CNTNAP5: variants seen among roughly 807,000 people sequenced by gnomAD.
CNTNAP5 encodes contactin associated protein family member 5.
In CNTNAP5, 72 loss-of-function variants were observed where a neutral mutation model predicts 150.2. The observed-to-expected ratio is 0.48, with a 90% CI of 0.40 to 0.58. The LOEUF (loss-of-function observed/expected upper bound fraction) is 0.58. CNTNAP5 is among the 20% of genes least tolerant of loss of function. CNTNAP5 has a pLI of 0.00. For missense variants in CNTNAP5, 1,636 were observed against 1,626.2 expected (o/e 1.01, Z -0.10); for synonymous variants, 672 against 619.8 (o/e 1.08, Z -1.25).
chr2:124,669,203 A>G, intron 13 of CNTNAP5, among the ~76,000 whole-genome samples: 1 of 152,300 alleles, frequency 6.6e-6, no homozygotes, highest in East Asian at 1.9e-4. Context: ...CAGGGACAGG[A>G]CCTGCATTTG....
At chr2:124,857,939 A>T (rs185956772) in intron 19 of CNTNAP5, among the ~76,000 whole-genome samples, 107 of 152,318 alleles carry the variant, frequency 7.0e-4, no homozygotes, top group Non-Finnish European at 1.3e-3. Flanking sequence ...ACTTAATAAA[A>T]ATAAGTACTA....
chr2:124,688,815 C>T (rs1679244857), intron 13 of CNTNAP5, among the ~76,000 whole-genome samples: 1 of 152,016 alleles, frequency 6.6e-6, no homozygotes, highest in African/African-American at 2.4e-5. Context: ...CAGGGTGAGA[C>T]TATGGGTGCC....
intron 1 of CNTNAP5, among the ~76,000 whole-genome samples, chr2:124,071,107 G>T (rs1682292661): frequency 6.6e-6 from 1 of 151,820 alleles, no homozygotes; most frequent in Admixed American, 6.6e-5. Flanking sequence ...GGTCAATGAA[G>T]AAAATAAGAA....
rs1208474395 is a variant in CNTNAP5, at chr2:124,050,425, G to T, written c.82+24693G>T. On this transcript the variant is annotated intron_variant, in intron 1 of 23. Transcript: ENST00000682447. Reference sequence around the variant, plus strand: ...GTTGCAGTGAGCCAAGATCTCAACAGTGCACTACAGCCTGGGAGACAGAGC... The same window carrying T: ...GTTGCAGTGAGCCAAGATCTCAACATTGCACTACAGCCTGGGAGACAGAGC... Among the ~76,000 whole-genome samples the T allele has an allele frequency of 2.0e-5, 3 of 152,078 alleles. No homozygotes were observed. The East Asian group carries it at 5.8e-4, about 30-fold the overall frequency.
At position 124,814,468 on chromosome 2, in the gene CNTNAP5, T is replaced by C. The variant is rs567306589; in HGVS notation, c.3217+16148T>C. Among the ~76,000 whole-genome samples, 968 of 152,292 alleles carry C rather than the reference T, an allele frequency of 6.4e-3. 6 individuals are homozygous for C. Among genetic ancestry groups the C allele is most frequent in the Non-Finnish European group, 0.01 (700 of 68,024 alleles). On this transcript the variant is annotated intron_variant, in intron 19 of 23. Coordinates refer to ENST00000682447, the MANE Select transcript of CNTNAP5 (RefSeq NM_001367498.1). ...TCTGAATTCCAGGACTCAGCACTCC[T>C]GGCCTAGCACAATGTGGGGGCCCAG...
In CNTNAP5 at chr2:124,401,342, C is replaced by A. The variant is rs192519963; in HGVS notation, c.382-16101C>A. On this transcript the variant is annotated intron_variant, in intron 3 of 23. Coordinates refer to ENST00000682447, the MANE Select transcript of CNTNAP5 (RefSeq NM_001367498.1). ...CAATTTCTCTTCTGAATCATACAAA[C>A]CAGTGGGCAACAAAGGCATGTTTCT... is the stretch of plus-strand genomic sequence containing the variant. Among the ~76,000 whole-genome samples the A allele has an allele frequency of 2.6e-3, 395 of 152,296 alleles. 6 individuals carry two copies. The highest frequency in any genetic ancestry group is 0.02 in the Middle Eastern group (6 of 294).
intron 13 of CNTNAP5, among the ~76,000 whole-genome samples, chr2:124,687,103 G>A (rs140265051): frequency 7.0e-4 from 106 of 152,184 alleles, no homozygotes; most frequent in Admixed American, 2.2e-3. Flanking sequence ...TAGGTTTGGC[G>A]TGTGATTAGT....
chr2:124,593,339 T>G (rs1696745912), intron 11 of CNTNAP5, among the ~76,000 whole-genome samples: 1 of 119,980 alleles, frequency 8.3e-6, no homozygotes, highest in African/African-American at 3.1e-5. Context: ...CCTGTGTCCA[T>G]GTGATCTCAT....
intron 2 of CNTNAP5, among the ~76,000 whole-genome samples, chr2:124,235,312 G>A (rs147257362): frequency 1.8e-3 from 274 of 152,224 alleles, no homozygotes; most frequent in African/African-American, 6.3e-3. Context: ...TTGTCATCTA[G>A]CACTCACAGC....
At chr2:124,425,598 T>C (rs886799319) in intron 4 of CNTNAP5, among the ~76,000 whole-genome samples, 3 of 152,134 alleles carry the variant, frequency 2.0e-5, no homozygotes, top group African/African-American at 7.2e-5. Flanking sequence ...ATGCACCTCT[T>C]ACTTAGGTGA....
intron 19 of CNTNAP5, among the ~76,000 whole-genome samples, chr2:124,823,194 T>A (rs1200755261): frequency 1.3e-5 from 2 of 152,190 alleles, no homozygotes; most frequent in Non-Finnish European, 2.9e-5. Flanking sequence ...TAAGTGCAGA[T>A]ATGAAGTAGG....
At chr2:124,241,413 A>G (rs1017296606) in intron 2 of CNTNAP5, among the ~76,000 whole-genome samples, 1 of 151,902 alleles carries the variant, frequency 6.6e-6, no homozygotes, top group African/African-American at 2.4e-5. Flanking sequence ...GCTAATCTCC[A>G]TCGAACTTTC....
intron 19 of CNTNAP5, 137 bp from the exon 20 acceptor site, chr2:124,865,169 T>A: frequency 1.5e-6 from 1 of 662,556 alleles, no homozygotes; most frequent in Admixed American, 3.0e-5. Context: ...TAAATATACG[T>A]GATATATTTT....
At chr2:124,409,812 G>A (rs1691695681) in intron 3 of CNTNAP5, among the ~76,000 whole-genome samples, 1 of 152,042 alleles carries the variant, frequency 6.6e-6, no homozygotes, top group Non-Finnish European at 1.5e-5. Flanking sequence ...GGCAGAAACT[G>A]CATCAACTAA....
intron 13 of CNTNAP5, among the ~76,000 whole-genome samples, chr2:124,713,981 T>C (rs1247572828): frequency 3.3e-5 from 5 of 152,166 alleles, no homozygotes; most frequent in Admixed American, 1.3e-4. Context: ...CCATACTCTC[T>C]TGACTTTGCA....
At chr2:124,694,697 T>C (rs543731815) in intron 13 of CNTNAP5, among the ~76,000 whole-genome samples, 1 of 152,276 alleles carries the variant, frequency 6.6e-6, no homozygotes, top group Non-Finnish European at 1.5e-5. Context: ...AATTTACAAA[T>C]AATAGTAAAA....
chr2:124,707,396 C>T (rs1475987147), intron 13 of CNTNAP5, among the ~76,000 whole-genome samples: 2 of 151,994 alleles, frequency 1.3e-5, no homozygotes, highest in African/African-American at 4.8e-5. Flanking sequence ...TGGCATTTTC[C>T]CAAGTAAGTG....
chr2:124,108,131 C>T (rs1683208579), intron 1 of CNTNAP5, among the ~76,000 whole-genome samples: 1 of 152,194 alleles, frequency 6.6e-6, no homozygotes, highest in Non-Finnish European at 1.5e-5. Flanking sequence ...TGAAGATTAG[C>T]TGCTGGTTTA....
At position 124,201,216 on chromosome 2, in the gene CNTNAP5, C is replaced by G. The variant is rs541075046; in HGVS notation, c.83-20489C>G. On this transcript the variant is annotated intron_variant, in intron 1 of 23. Coordinates refer to ENST00000682447, the MANE Select transcript of CNTNAP5 (RefSeq NM_001367498.1). ...AATAGGAACTGAGAAGGACTTCTCTCTCAGCCTGGACCACTCTCAGGTACA... is the reference window on the plus strand; with the variant it reads ...AATAGGAACTGAGAAGGACTTCTCTGTCAGCCTGGACCACTCTCAGGTACA... Among the ~76,000 whole-genome samples, 7 of 152,300 alleles carry G rather than the reference C, an allele frequency of 4.6e-5. No homozygotes were observed. The South Asian group carries it at 1.5e-3, about 32-fold the overall frequency.
Sources: gnomAD v4.1 joint callset for allele counts (sites outside exome capture counted in the v4.1 genomes callset) on GRCh38, gnomAD v4.1.1 for gene constraint, MANE v1.5 for transcripts, NCBI Gene and HGNC (gene_info 2026-07-23, HGNC 2026-07-21) for gene names.